Variants in ARHGAP42 observed in about 807,000 individuals in gnomAD.
The protein encoded by ARHGAP42 is Rho GTPase activating protein 42.
Under a neutral mutation model 125.0 loss-of-function variants are expected in ARHGAP42, and 63 were observed. That is an observed-to-expected ratio of 0.50 (90% CI 0.41 to 0.62). The LOEUF (loss-of-function observed/expected upper bound fraction) is 0.62. Among genes scored for constraint, ARHGAP42 ranks in the 20% least tolerant of loss-of-function variants. ARHGAP42 has a pLI of 0.00. For missense variants in ARHGAP42, 766 were observed against 1,024.2 expected (o/e 0.75, Z 3.44); for synonymous variants, 339 against 351.0 (o/e 0.97, Z 0.38).
intron 1 of ARHGAP42, among the ~76,000 whole-genome samples, chr11:100,742,663 C>T (rs1862213773): frequency 6.6e-6 from 1 of 152,074 alleles, no homozygotes; most frequent in Non-Finnish European, 1.5e-5. Context: ...AAGTCATCAT[C>T]TAGTAAGTTG....
At chr11:100,958,163 T>C (rs1449347121) in intron 12 of ARHGAP42, among the ~76,000 whole-genome samples, 1 of 152,052 alleles carries the variant, frequency 6.6e-6, no homozygotes, top group African/African-American at 2.4e-5. Flanking sequence ...ATTAAATGAT[T>C]CCTCACTTTT....
chr11:100,718,525 TG>T (rs1861704255), intron 1 of ARHGAP42, among the ~76,000 whole-genome samples: 1 of 152,138 alleles, frequency 6.6e-6, no homozygotes, highest in African/African-American at 2.4e-5. Flanking sequence ...AATGCCAACC[TG>T]CAAAGTTTGA....
At chr11:100,827,726 A>T (rs750709114) in intron 3 of ARHGAP42, among the ~76,000 whole-genome samples, 2 of 152,138 alleles carry the variant, frequency 1.3e-5, no homozygotes, top group Admixed American at 6.5e-5. Context: ...GTCTCAAATA[A>T]CCTGTGAAAA....
intron 4 of ARHGAP42, among the ~76,000 whole-genome samples, chr11:100,901,034 C>T (rs148726203): frequency 6.6e-6 from 1 of 152,054 alleles, no homozygotes; most frequent in Non-Finnish European, 1.5e-5. Flanking sequence ...GTTTTATCTG[C>T]CTTTGGTCTT....
At chr11:100,908,059 A>G (rs1866795349) in intron 4 of ARHGAP42, among the ~76,000 whole-genome samples, 1 of 152,176 alleles carries the variant, frequency 6.6e-6, no homozygotes, top group Non-Finnish European at 1.5e-5. Flanking sequence ...ATCAATATTA[A>G]TGATAGGTTC....
Position 100,949,973 on chromosome 11 carries a change from GT to G in ARHGAP42, c.1162+19del. 2 of 1,385,660 alleles carry G rather than the reference GT, an allele frequency of 1.4e-6. No individual in the cohort carries two copies. The highest frequency in any genetic ancestry group is 2.0e-6 in the Non-Finnish European group (2 of 1,009,538). The allele number at this position is 1,385,660 out of a possible 1,614,324, so 85.8% of individuals were successfully genotyped here. On this transcript the variant is annotated intron_variant, in intron 12 of 23. Coordinates refer to ENST00000298815, the MANE Select transcript of ARHGAP42 (RefSeq NM_152432.4). The stretch of plus-strand genomic sequence containing the variant: ...AAGAAGAAAGTAAGTCATTTTAATA[GT>G]TATTTAAAATTTTATCATGAAGTTA...
At chr11:100,813,916 C>A (rs565287521) in intron 3 of ARHGAP42, among the ~76,000 whole-genome samples, 1 of 152,028 alleles carries the variant, frequency 6.6e-6, no homozygotes, top group African/African-American at 2.4e-5. Context: ...CAGAACAGGC[C>A]GGGTGCAGTG....
intron 3 of ARHGAP42, among the ~76,000 whole-genome samples, chr11:100,830,489 C>T (rs1864639879): frequency 6.6e-6 from 1 of 151,864 alleles, no homozygotes; most frequent in African/African-American, 2.4e-5. Context: ...CAGCGTCAGC[C>T]TCGCCTGAGT....
intron 1 of ARHGAP42, among the ~76,000 whole-genome samples, chr11:100,725,934 C>CAAAAAAA (rs57899188): frequency 7.7e-4 from 76 of 99,234 alleles, no homozygotes; most frequent in East Asian, 6.4e-3. Context: ...GACTCCGTCT[C>CAAAAAAA]AAAAAAAAAA....
chr11:100,692,717 G>T (rs1006465184), intron 1 of ARHGAP42, among the ~76,000 whole-genome samples: 1 of 152,196 alleles, frequency 6.6e-6, no homozygotes, highest in Non-Finnish European at 1.5e-5. Context: ...AGCCAGAGGA[G>T]AGCACAGTTT....
intron 8 of ARHGAP42, among the ~76,000 whole-genome samples, chr11:100,937,077 G>T (rs966611255): frequency 6.6e-6 from 1 of 152,192 alleles, no homozygotes; most frequent in Admixed American, 6.5e-5. Context: ...TACTGTATGT[G>T]CAACATGATT....
Position 100,977,105 on chromosome 11 carries a change from C to G in ARHGAP42, c.2393+134C>G. On this transcript the variant is annotated intron_variant, in intron 21 of 23. Transcript: ENST00000298815. ...TTATCTGTAGAGTGGGTACAGTCCA[C>G]TTCTGTAAGACTCTATTCTTTTCTA... The G allele has an allele frequency of 9.1e-6, 9 of 990,842 alleles. No homozygotes were observed. In the South Asian group the frequency reaches 1.5e-4, roughly 17 times the overall value. The allele number at this position is 990,842 out of a possible 1,614,324, so 61.4% of individuals were successfully genotyped here.
intron 2 of ARHGAP42, among the ~76,000 whole-genome samples, chr11:100,781,597 G>T (rs1254661129): frequency 6.6e-6 from 1 of 152,062 alleles, no homozygotes; most frequent in Non-Finnish European, 1.5e-5. Context: ...ACATCATTGT[G>T]CAAAACAGAA....
At chr11:100,824,076 A>G (rs1021488147) in intron 3 of ARHGAP42, among the ~76,000 whole-genome samples, 18 of 152,234 alleles carry the variant, frequency 1.2e-4, no homozygotes, top group South Asian at 2.1e-4. Flanking sequence ...TTATTAGATT[A>G]TAATTAAGAC....
At chr11:100,735,765 C>T (rs571301792) in intron 1 of ARHGAP42, among the ~76,000 whole-genome samples, 46 of 151,988 alleles carry the variant, frequency 3.0e-4, no homozygotes, top group East Asian at 2.3e-3. Context: ...CCCGCCACCA[C>T]GCCCAGCTAA....
intron 17 of ARHGAP42, among the ~76,000 whole-genome samples, chr11:100,970,001 T>A (rs151028504): frequency 6.6e-6 from 1 of 152,096 alleles, no homozygotes; most frequent in South Asian, 2.1e-4. Flanking sequence ...GTCTTTTTTT[T>A]TTGTTGAGAC....
chr11:100,745,662 G>A (rs1862286586), intron 1 of ARHGAP42, among the ~76,000 whole-genome samples: 1 of 152,170 alleles, frequency 6.6e-6, no homozygotes, highest in Admixed American at 6.5e-5. Context: ...TGTTTGGGAT[G>A]AAGGTACAAC....
chr11:100,770,532 T>C, intron 2 of ARHGAP42, 94 bp downstream of exon 2: 1 of 992,876 alleles, frequency 1.0e-6, no homozygotes, highest in Non-Finnish European at 1.4e-6. Flanking sequence ...GTAAAATATT[T>C]TCTGACTTTG....
In ARHGAP42 at chr11:100,976,037, C is replaced by T; in HGVS notation, c.1856-20C>T. On this transcript the variant is annotated intron_variant, in intron 19 of 23. Coordinates refer to ENST00000298815, the MANE Select transcript of ARHGAP42 (RefSeq NM_152432.4). ...TAGATAGTTACAGTTGCTTTCATCT[C>T]TCTCCCTCCTACTCCTTAGGTGACT... The T allele has an allele frequency of 6.8e-7, 1 of 1,473,482 alleles. No homozygotes were observed. The highest frequency in any genetic ancestry group is 9.0e-7 in the Non-Finnish European group (1 of 1,111,006). The allele number at this position is 1,473,482 out of a possible 1,614,324, so 91.3% of individuals were successfully genotyped here.
Sources: gnomAD v4.1 joint callset for allele counts (sites outside exome capture counted in the v4.1 genomes callset) on GRCh38, gnomAD v4.1.1 for gene constraint, MANE v1.5 for transcripts, NCBI Gene and HGNC (gene_info 2026-07-23, HGNC 2026-07-21) for gene names.